Variants in ENSA observed in about 807,000 individuals in gnomAD.
The protein encoded by ENSA is alpha-endosulfine.
ENSA carries 7 observed loss-of-function variants against 16.8 expected under a neutral mutation model. The observed-to-expected ratio is 0.42, with a 90% CI of 0.24 to 0.78. The LOEUF is 0.78. Ranked by LOEUF, ENSA falls within the 30% of genes least tolerant of loss-of-function variation. The pLI is 0.29. For missense variants in ENSA, 87 were observed against 142.3 expected (o/e 0.61, Z 1.98); for synonymous variants, 58 against 53.4 (o/e 1.09, Z -0.37).
chr1:150,624,702 C>T, intron 3 of ENSA: 1 of 985,414 alleles, frequency 1.0e-6, no homozygotes, highest in African/African-American at 1.7e-5. Flanking sequence ...AGTACTTTCC[C>T]AGTATTACAG....
intron 2 of ENSA, 27 bp from the exon 3 acceptor site, chr1:150,625,835 G>A: frequency 6.4e-7 from 1 of 1,560,032 alleles, no homozygotes; most frequent in East Asian, 2.3e-5. Flanking sequence ...AGGTTTAGGT[G>A]AGTGAGGACT....
At chr1:150,621,915 C>T (rs1243573371), downstream of ENSA, 2 of 152,100 alleles carry the variant, frequency 1.3e-5, no homozygotes, top group African/African-American at 4.8e-5. Flanking sequence ...TCTTAAATGC[C>T]TCATTTTGTG....
At chr1:150,627,298 C>A in intron 2 of ENSA, 169 bp downstream of exon 2, 2 of 1,587,786 alleles carry the variant, frequency 1.3e-6, no homozygotes, top group Non-Finnish European at 1.7e-6. Context: ...ATTGATACCA[C>A]ATCAGGGATT....
chr1:150,625,422 C>T (rs747899840), intron 3 of ENSA: 5 of 1,236,770 alleles, frequency 4.0e-6, no homozygotes, highest in Non-Finnish European at 5.1e-6. Flanking sequence ...CTGGGCCCTA[C>T]CTGGACTACA....
chr1:150,624,553 G>C, intron 3 of ENSA: 1 of 985,896 alleles, frequency 1.0e-6, no homozygotes, highest in Non-Finnish European at 1.2e-6. Flanking sequence ...GAGGCAAGAA[G>C]CTTCCATGGC....
intron 1 of ENSA, 66 bp from the exon 2 acceptor site, chr1:150,627,658 A>C: frequency 6.6e-7 from 1 of 1,506,542 alleles, no homozygotes; most frequent in South Asian, 1.3e-5. Context: ...ACATCTGATA[A>C]CAACTATACT....
Position 150,624,073 on chromosome 1 carries a change from G to A in ENSA, c.351-1214C>T. 3.0e-6 allele frequency: 3 copies of A among 985,356 alleles called. No individual in the cohort carries two copies. The South Asian group carries it at 1.4e-4, about 46-fold the overall frequency. 61.0% of individuals were successfully genotyped at this position (985,356 alleles called of 1,614,324 possible). A position where few individuals can be genotyped will look rare whatever the true frequency, so the allele number is the denominator to read the frequency against. Reference sequence around the variant, plus strand: ...CTCTTGAGCATTAGTTCTCACCCTGGTCCTCTCTGTCATAACTAGCAAGTT... The same window carrying A: ...CTCTTGAGCATTAGTTCTCACCCTGATCCTCTCTGTCATAACTAGCAAGTT... On this transcript the variant is annotated intron_variant, in intron 3 of 3. Transcript: ENST00000369014.
intron 3 of ENSA, chr1:150,624,844 G>A (rs1268026470): frequency 1.0e-6 from 1 of 974,952 alleles, no homozygotes; most frequent in Non-Finnish European, 1.2e-6. Context: ...TTTTACAGAT[G>A]AGGAAATAGA....
chr1:150,628,692 G>A (rs375125734), intron 1 of ENSA, among the ~76,000 whole-genome samples: 1 of 152,186 alleles, frequency 6.6e-6, no homozygotes, highest in East Asian at 1.9e-4. Context: ...CCCAATAAGG[G>A]GTTTATTTGG....
In ENSA at chr1:150,622,867, C is replaced by T. The variant is rs367854238; in HGVS notation, c.351-8G>A. The T allele has an allele frequency of 4.1e-5, 63 of 1,531,144 alleles. No individual in the cohort carries two copies. The highest frequency in any genetic ancestry group is 1.2e-4 in the South Asian group (10 of 82,080). 94.8% of individuals were successfully genotyped at this position (1,531,144 alleles called of 1,614,324 possible). A position where few individuals can be genotyped will look rare whatever the true frequency, so the allele number is the denominator to read the frequency against. On this transcript the variant is annotated splice_polypyrimidine_tract_variant and splice_region_variant and intron_variant, in intron 3 of 3. Transcript: ENST00000369014. ...CATCATTCAACTTGGCCACTGCGGA[C>T]GAACACAGAAGAAAAAAAAAAAAAA...
At chr1:150,623,660 A>G (rs1164754150) in intron 3 of ENSA, 17 of 971,732 alleles carry the variant, frequency 1.7e-5, no homozygotes, top group South Asian at 4.8e-5. Context: ...ATAACATGAC[A>G]TATCTATGTA....
chr1:150,628,353 G>A (rs1353443944), intron 1 of ENSA, among the ~76,000 whole-genome samples: 1 of 152,140 alleles, frequency 6.6e-6, no homozygotes, highest in Non-Finnish European at 1.5e-5. Flanking sequence ...GTAGCAAGCT[G>A]ATAAACAGAG....
At chr1:150,626,543 GGA>G (rs1257752286) in intron 2 of ENSA, 1 of 1,610,286 alleles carries the variant, frequency 6.2e-7, no homozygotes, top group Non-Finnish European at 8.5e-7. Flanking sequence ...TCATTGCAGA[GGA>G]GAGTAAGGAA....
Position 150,622,785 on chromosome 1 carries a change from G to A in ENSA, c.*59C>T. The A allele has an allele frequency of 6.5e-7, 1 of 1,544,456 alleles. No homozygotes were observed. The highest frequency in any genetic ancestry group is 8.7e-7 in the Non-Finnish European group (1 of 1,144,146). On this transcript the variant is annotated 3_prime_UTR_variant, in exon 4 of 4. Transcript: ENST00000369014. ...GCAGGAAGGGGCAGGAGCCAGCACA[G>A]GACCCGGGTGGGGCAGGGAGGGGAA...
chr1:150,629,025 G>C (rs758430613), intron 1 of ENSA: 1 of 1,610,990 alleles, frequency 6.2e-7, no homozygotes, highest in Non-Finnish European at 8.5e-7. Context: ...TGCGGATTGA[G>C]GCTGCGGGCC....
chr1:150,628,954 C>G, intron 1 of ENSA: 1 of 1,190,268 alleles, frequency 8.4e-7, no homozygotes, highest in Non-Finnish European at 1.2e-6. Flanking sequence ...ATAATAACTA[C>G]ACTTCTCCCC....
At chr1:150,621,478 T>C (rs1389201732), downstream of ENSA, 1 of 152,284 alleles carries the variant, frequency 6.6e-6, no homozygotes, top group Non-Finnish European at 1.5e-5. Flanking sequence ...TTCACCATGT[T>C]GGCTAGGCTG....
At position 150,629,611 on chromosome 1, in the gene ENSA, G is replaced by T; in HGVS notation, c.-141C>A. On this transcript the variant is annotated 5_prime_UTR_variant, in exon 1 of 4. Coordinates refer to ENST00000369014, the MANE Select transcript of ENSA (RefSeq NM_004436.4). ...TCAGTCAAAATGGCGGCCCTTGCCC[G>T]TGACGTTGCGACCGCCCCTTCCTAT... 2 of 1,019,036 alleles carry T rather than the reference G, an allele frequency of 2.0e-6. No individual in the cohort carries two copies. Among genetic ancestry groups the T allele is most frequent in the East Asian group, 2.5e-5 (1 of 39,414 alleles). The allele number at this position is 1,019,036 out of a possible 1,614,324, so 63.1% of individuals were successfully genotyped here. A position where few individuals can be genotyped will look rare whatever the true frequency, so the allele number is the denominator to read the frequency against.
chr1:150,625,876 A>G (rs587613552), intron 2 of ENSA, 68 bp from the exon 3 acceptor site: 8 of 1,507,030 alleles, frequency 5.3e-6, no homozygotes, highest in Non-Finnish European at 6.2e-6. Flanking sequence ...GGAGACTCAC[A>G]TCTCACATCC....
Sources: allele counts gnomAD v4.1 joint callset (sites outside exome capture counted in the v4.1 genomes callset), GRCh38; gene constraint gnomAD v4.1.1; transcripts MANE v1.5; gene names NCBI Gene and HGNC (gene_info 2026-07-23, HGNC 2026-07-21).